Variants in SLC4A10 observed in about 807,000 individuals in gnomAD.
The protein encoded by SLC4A10 is sodium-driven chloride bicarbonate exchanger.
In SLC4A10, 42 loss-of-function variants were observed where a neutral mutation model predicts 137.7. The ratio of observed to expected loss-of-function variants is 0.30; its 90% CI spans 0.24 to 0.39. The LOEUF is 0.39. SLC4A10 is among the 10% of genes least tolerant of loss of function. SLC4A10 has a pLI of 1.00. For synonymous variants in SLC4A10, 474 were observed against 464.1 expected (o/e 1.02, Z -0.27); for missense variants, 925 against 1,355.0 (o/e 0.68, Z 4.98).
At chr2:161,712,532 T>G (rs563636102) in intron 1 of SLC4A10, among the ~76,000 whole-genome samples, 1 of 151,966 alleles carries the variant, frequency 6.6e-6, no homozygotes, top group East Asian at 1.9e-4. Context: ...TTTAATAATT[T>G]TATTTCTTGG....
intron 1 of SLC4A10, among the ~76,000 whole-genome samples, chr2:161,670,728 T>C (rs910412881): frequency 2.6e-5 from 4 of 152,114 alleles, no homozygotes; most frequent in East Asian, 3.9e-4. Flanking sequence ...AAAAATTATC[T>C]TACTTCTCTT....
intron 15 of SLC4A10, among the ~76,000 whole-genome samples, chr2:161,928,352 T>C (rs1244886439): frequency 8.5e-6 from 1 of 117,192 alleles, no homozygotes; most frequent in East Asian, 2.6e-4. Flanking sequence ...AAGGGGAACA[T>C]CACACTCTGG....
At chr2:161,749,541 A>C (rs527423195) in intron 1 of SLC4A10, among the ~76,000 whole-genome samples, 2 of 151,922 alleles carry the variant, frequency 1.3e-5, no homozygotes, top group African/African-American at 4.8e-5. Flanking sequence ...TTATTCTGCT[A>C]ATGTGATATA....
intron 1 of SLC4A10, 72 bp from the exon 2 acceptor site, chr2:161,770,901 A>G: frequency 1.9e-6 from 2 of 1,025,800 alleles, no homozygotes; most frequent in African/African-American, 1.6e-5. Flanking sequence ...ATTAAATTAT[A>G]TCAAGGTTTG....
At chr2:161,773,182 A>T (rs374570396) in intron 2 of SLC4A10, among the ~76,000 whole-genome samples, 1 of 151,894 alleles carries the variant, frequency 6.6e-6, no homozygotes, top group East Asian at 1.9e-4. Context: ...GTGCTGTATC[A>T]TTCCCATGGT....
chr2:161,750,101 C>T (rs960785213), intron 1 of SLC4A10, among the ~76,000 whole-genome samples: 9 of 151,594 alleles, frequency 5.9e-5, no homozygotes, highest in African/African-American at 1.7e-4. Flanking sequence ...AATGTCTTCT[C>T]TTTCATTTCT....
chr2:161,925,291 G>A (rs971254315), intron 15 of SLC4A10, among the ~76,000 whole-genome samples: 2 of 151,996 alleles, frequency 1.3e-5, no homozygotes, highest in Admixed American at 1.3e-4. Flanking sequence ...TGTATGTGTC[G>A]AGGAATTTAT....
intron 12 of SLC4A10, among the ~76,000 whole-genome samples, chr2:161,902,691 A>G (rs2105316820): frequency 6.6e-6 from 1 of 152,296 alleles, no homozygotes; most frequent in African/African-American, 2.4e-5. Flanking sequence ...GCATAATAGT[A>G]GAAGAGTTAT....
At chr2:161,899,013 T>C (rs1913813) in intron 11 of SLC4A10, among the ~76,000 whole-genome samples, 64,704 of 151,764 alleles carry the variant, frequency 0.43, 14,100 homozygotes, top group Admixed American at 0.49. Flanking sequence ...GTGCCTTTTA[T>C]TTCCCTAAGA....
intron 23 of SLC4A10, 29 bp from the exon 24 acceptor site, chr2:161,974,210 ATCAGGTTCAC>A: frequency 6.6e-7 from 1 of 1,510,608 alleles, no homozygotes; most frequent in Non-Finnish European, 9.0e-7. Flanking sequence ...ATGGAGACTC[ATCAGGTTCAC>A]TTTATATACT....
At chr2:161,970,122 C>A (rs1698272866) in intron 23 of SLC4A10, among the ~76,000 whole-genome samples, 3 of 152,164 alleles carry the variant, frequency 2.0e-5, no homozygotes, top group African/African-American at 7.2e-5. Flanking sequence ...GAGATAAGTC[C>A]TTTCCTAAAA....
intron 23 of SLC4A10, among the ~76,000 whole-genome samples, chr2:161,973,908 TA>T (rs1698969411): frequency 6.6e-6 from 1 of 152,236 alleles, no homozygotes; most frequent in Non-Finnish European, 1.5e-5. Context: ...ATTTCACCTT[TA>T]TAACAATAAA....
intron 1 of SLC4A10, among the ~76,000 whole-genome samples, chr2:161,674,639 G>A (rs563515835): frequency 2.0e-5 from 3 of 152,226 alleles, no homozygotes; most frequent in Admixed American, 1.3e-4. Flanking sequence ...ATTGGAAATC[G>A]ATGGCACTGG....
chr2:161,946,208 C>T (rs1192056073), intron 16 of SLC4A10, among the ~76,000 whole-genome samples: 1 of 151,864 alleles, frequency 6.6e-6, no homozygotes, highest in African/African-American at 2.4e-5. Context: ...TTTAACTTTG[C>T]CTATCAAGGA....
At chr2:161,744,783 A>C (rs192596910) in intron 1 of SLC4A10, among the ~76,000 whole-genome samples, 4 of 152,066 alleles carry the variant, frequency 2.6e-5, no homozygotes, top group African/African-American at 4.8e-5. Context: ...GTTTCTATTT[A>C]TTTCTTACTA....
chr2:161,882,430 C>A lies in SLC4A10; in HGVS notation c.1180C>A (p.Leu394Ile). The change falls in exon 10 of 27, where the codon CTA becomes ATA. Residue 394 changes from leucine to isoleucine, a missense_variant. Physicochemically the swap from Leu to Ile is conservative, Grantham distance 5. This residue lies in a region of SLC4A10 where 277 missense variants were observed against 306.1 expected (regional missense o/e 0.90). Coordinates refer to ENST00000446997, the MANE Select transcript of SLC4A10 (RefSeq NM_001178015.2). ...TGAGATTGGCAGATCAATTGCAACC[C>A]TAATGACAGATGAGGTATTTATTCA... ...YHEIGRSIAT[L>I]MTDEVFHDVA... is the part of the protein sequence containing the mutation. The A allele has an allele frequency of 6.3e-7, 1 of 1,593,838 alleles. No individual in the cohort carries two copies. Among genetic ancestry groups the A allele is most frequent in the Admixed American group, 1.7e-5 (1 of 58,228 alleles).
At chr2:161,841,925 C>T (rs1167975841) in intron 4 of SLC4A10, among the ~76,000 whole-genome samples, 4 of 152,086 alleles carry the variant, frequency 2.6e-5, no homozygotes, top group African/African-American at 9.7e-5. Flanking sequence ...TTTAAATTTA[C>T]ACAATAGGGA....
At chr2:161,972,644 G>C (rs1439176814) in intron 23 of SLC4A10, among the ~76,000 whole-genome samples, 1 of 152,110 alleles carries the variant, frequency 6.6e-6, no homozygotes, top group African/African-American at 2.4e-5. Flanking sequence ...AATGCAAAAG[G>C]GTAATGTACA....
intron 1 of SLC4A10, among the ~76,000 whole-genome samples, chr2:161,631,044 G>T (rs1289080858): frequency 1.3e-5 from 2 of 151,588 alleles, no homozygotes; most frequent in African/African-American, 2.4e-5. Context: ...AGGTCTTTTT[G>T]CCCACATATT....
Sources: allele counts gnomAD v4.1 joint callset (sites outside exome capture counted in the v4.1 genomes callset), GRCh38; gene constraint gnomAD v4.1.1; regional missense constraint gnomAD v4.1.1; transcripts MANE v1.5; gene names NCBI Gene and HGNC (gene_info 2026-07-23, HGNC 2026-07-21).